The following PCDHA7 variants were observed in gnomAD, a reference collection of about 807,000 sequenced individuals.
The protein encoded by PCDHA7 is protocadherin alpha 7, also known as protocadherin alpha-7.
In PCDHA7, 37 loss-of-function variants were observed where a neutral mutation model predicts 57.2. The ratio of observed to expected loss-of-function variants is 0.65; its 90% confidence interval spans 0.50 to 0.85. The LOEUF is 0.85. Ranked by LOEUF, PCDHA7 falls within the 40% of genes least tolerant of loss-of-function variation. The probability of loss-of-function intolerance (pLI) is 0.00; values close to 1 mark genes in which losing one functional copy is unlikely to be tolerated. For synonymous variants in PCDHA7, 553 were observed against 558.8 expected (o/e 0.99, Z 0.15); for missense variants, 1,188 against 1,241.8 (o/e 0.96, Z 0.65).
intron 1 of PCDHA7, chr5:140,871,063 G>A (rs377081112): frequency 1.2e-6 from 2 of 1,613,272 alleles, no homozygotes; most frequent in Non-Finnish European, 1.7e-6. Flanking sequence ...GAAGGATCAC[G>A]GTGAGCCGGC....
At chr5:140,929,481 A>G (rs1192778322) in intron 1 of PCDHA7, 4 of 1,195,836 alleles carry the variant, frequency 3.3e-6, no homozygotes, top group Non-Finnish European at 4.5e-6. Flanking sequence ...GGAAGTATAG[A>G]AGTATTAGAA....
chr5:140,881,458 G>C (rs2058720447), intron 1 of PCDHA7: 1 of 671,966 alleles, frequency 1.5e-6, no homozygotes, highest in Non-Finnish European at 1.8e-6. Context: ...CAAAACCTTA[G>C]AGCATTGTTG....
Position 140,857,796 on chromosome 5 carries a change from C to T in PCDHA7, c.2355+21058C>T, listed in dbSNP as rs1554150678. 15 of 1,597,494 alleles carry T rather than the reference C, an allele frequency of 9.4e-6. 2 individuals are homozygous for T. The highest frequency in any genetic ancestry group is 1.7e-5 in the Admixed American group (1 of 59,248). ...GCAGTCAGTGAGCTGGTGCTGCGGT[C>T]GGTGGTTGCGGGTCACGTGGTGGCT... is the stretch of plus-strand genomic sequence containing the variant. On this transcript the variant is annotated intron_variant, in intron 1 of 3. Transcript: ENST00000525929.
chr5:140,847,838 T>G (rs1182373979), intron 1 of PCDHA7: 1 of 149,830 alleles, frequency 6.7e-6, no homozygotes, highest in African/African-American at 2.4e-5. Flanking sequence ...CTACCTCAGT[T>G]GGTTGCTACT....
chr5:140,910,577 C>T (rs1425639563), intron 1 of PCDHA7, among the ~76,000 whole-genome samples: 1 of 152,186 alleles, frequency 6.6e-6, no homozygotes, highest in Non-Finnish European at 1.5e-5. Flanking sequence ...TTTCTGGATC[C>T]TCCCAGCTGG....
chr5:140,973,203 A>T (rs1554234958), intron 1 of PCDHA7, among the ~76,000 whole-genome samples: 1 of 152,196 alleles, frequency 6.6e-6, no homozygotes, highest in Non-Finnish European at 1.5e-5. Flanking sequence ...ATGTGTGCAT[A>T]TTCACCCTAA....
Position 140,914,027 on chromosome 5 carries a change from T to G in PCDHA7, c.2356-64922T>G, listed in dbSNP as rs188298966. Among the ~76,000 whole-genome samples the G allele has an allele frequency of 8.0e-3, 1,214 of 152,300 alleles. 6 individuals carry two copies. Among genetic ancestry groups the G allele is most frequent in the African/African-American group, 0.019 (784 of 41,574 alleles). On this transcript the variant is annotated intron_variant, in intron 1 of 3. Coordinates refer to ENST00000525929, the MANE Select transcript of PCDHA7 (RefSeq NM_018910.3). ...CTATCTTTGAGAATGATCCACGTGCTGAGAAGAATGTGTATTCTGCAGCTG... is the reference window on the plus strand; with the variant it reads ...CTATCTTTGAGAATGATCCACGTGCGGAGAAGAATGTGTATTCTGCAGCTG...
intron 1 of PCDHA7, chr5:140,968,800 A>G: frequency 6.2e-7 from 1 of 1,614,238 alleles, no homozygotes; most frequent in Non-Finnish European, 8.5e-7. Context: ...CCATTACAGT[A>G]GCTGTGGTGG....
chr5:140,963,196 GA>G (rs199602110), intron 1 of PCDHA7, among the ~76,000 whole-genome samples: 26 of 147,674 alleles, frequency 1.8e-4, no homozygotes, highest in South Asian at 4.3e-4. Context: ...CTGTGAAAAT[GA>G]AAAAAAAAAC....
intron 1 of PCDHA7, among the ~76,000 whole-genome samples, chr5:140,891,953 T>G (rs1056816293): frequency 6.6e-6 from 1 of 152,238 alleles, no homozygotes; most frequent in African/African-American, 2.4e-5. Flanking sequence ...GCTCCAGAAT[T>G]GTGAGAAGTA....
intron 1 of PCDHA7, chr5:140,855,998 G>T: frequency 6.6e-7 from 1 of 1,511,404 alleles, no homozygotes; most frequent in Non-Finnish European, 8.9e-7. Flanking sequence ...CAGATCGTAT[G>T]TGCGTTCTAG....
chr5:140,862,992 C>T (rs781974665), intron 1 of PCDHA7: 29 of 548,250 alleles, frequency 5.3e-5, no homozygotes, highest in South Asian at 3.7e-4. Context: ...AAGGTGCGCA[C>T]GGTGGACTCC....
chr5:140,921,809 C>T (rs886599958), intron 1 of PCDHA7, among the ~76,000 whole-genome samples: 2 of 151,940 alleles, frequency 1.3e-5, no homozygotes, highest in African/African-American at 4.8e-5. Context: ...AGATAAGATA[C>T]ATGTGTGAAT....
At chr5:140,990,011 G>T (rs1246081885) in intron 3 of PCDHA7, among the ~76,000 whole-genome samples, 1 of 152,074 alleles carries the variant, frequency 6.6e-6, no homozygotes, top group Non-Finnish European at 1.5e-5. Context: ...CAAGGGCGTG[G>T]GCTAGGCAAA....
At chr5:140,864,187 AT>A (rs2153225210) in intron 1 of PCDHA7, 1 of 152,208 alleles carries the variant, frequency 6.6e-6, no homozygotes, top group East Asian at 1.9e-4. Context: ...ATGAATAATG[AT>A]CCTTATGAGA....
Position 140,968,974 on chromosome 5 carries a change from G to A in PCDHA7, c.2356-9975G>A, listed in dbSNP as rs17119326. 3.9e-3 allele frequency: 6,227 copies of A among 1,614,174 alleles called. 151 individuals carry two copies. The African/African-American group carries it at 0.06, about 16-fold the overall frequency. On this transcript the variant is annotated intron_variant, in intron 1 of 3. Coordinates refer to ENST00000525929, the MANE Select transcript of PCDHA7 (RefSeq NM_018910.3). Reference sequence around the variant, plus strand: ...TCATCAAGTGCTACCGCTACACTGCGTATGGCACTGCATGCTGTGGAGGCT... The same window carrying A: ...TCATCAAGTGCTACCGCTACACTGCATATGGCACTGCATGCTGTGGAGGCT...
chr5:141,009,116 T>C (rs1382527068), intron 3 of PCDHA7, among the ~76,000 whole-genome samples: 1 of 152,236 alleles, frequency 6.6e-6, no homozygotes, highest in African/African-American at 2.4e-5. Flanking sequence ...TGAAACTAGA[T>C]TCTTGGTATC....
Position 140,853,387 on chromosome 5 carries a change from C to T in PCDHA7, c.2355+16649C>T, listed in dbSNP as rs2150531459. 3.0e-6 allele frequency: 3 copies of T among 985,448 alleles called. No homozygotes were observed. In the Admixed American group the frequency reaches 1.9e-4, roughly 62 times the overall value. The allele number at this position is 985,448 out of a possible 1,614,324, so 61.0% of individuals were successfully genotyped here. ...CCAGAGATGGTAAAATTCAAAACAGCCTGTCAAGTTCAAAACAGAGAGGTG... is the reference window on the plus strand; with the variant it reads ...CCAGAGATGGTAAAATTCAAAACAGTCTGTCAAGTTCAAAACAGAGAGGTG... On this transcript the variant is annotated intron_variant, in intron 1 of 3. Coordinates refer to ENST00000525929, the MANE Select transcript of PCDHA7 (RefSeq NM_018910.3).
chr5:140,962,791 T>G (rs998586099), intron 1 of PCDHA7, among the ~76,000 whole-genome samples: 19 of 152,252 alleles, frequency 1.2e-4, no homozygotes, highest in Admixed American at 1.1e-3. Context: ...TAAAAACTAC[T>G]TTGGACAACT....
Sources: gnomAD v4.1 joint callset for allele counts (sites outside exome capture counted in the v4.1 genomes callset) on GRCh38, gnomAD v4.1.1 for gene constraint, MANE v1.5 for transcripts, NCBI Gene and HGNC (gene_info 2026-07-23, HGNC 2026-07-21) for gene names.